The following RAPGEF4 variants were observed in gnomAD, a reference collection of about 807,000 sequenced individuals.
RAPGEF4 encodes the protein Rap guanine nucleotide exchange factor 4, also known as RAP guanine-nucleotide-exchange factor (GEF) 4.
Under a neutral mutation model 147.9 loss-of-function variants are expected in RAPGEF4, and 66 were observed. That is an observed-to-expected ratio of 0.45 (90% confidence interval 0.37 to 0.55). The LOEUF (loss-of-function observed/expected upper bound fraction) is 0.55. Ranked by LOEUF, RAPGEF4 falls within the 20% of genes least tolerant of loss-of-function variation. The probability of loss-of-function intolerance (pLI) is 0.00; values close to 1 mark genes in which losing one functional copy is unlikely to be tolerated. For synonymous variants in RAPGEF4, 419 were observed against 442.7 expected (o/e 0.95, Z 0.67); for missense variants, 1,071 against 1,257.3 (o/e 0.85, Z 2.24).
chr2:173,005,775 C>G (rs563400097), intron 17 of RAPGEF4, among the ~76,000 whole-genome samples: 1 of 152,154 alleles, frequency 6.6e-6, no homozygotes, highest in South Asian at 2.1e-4. Flanking sequence ...CCTGCCTTGG[C>G]CTCCCAAAGT....
At chr2:172,991,007 C>A in intron 15 of RAPGEF4, 82 bp downstream of exon 15, 1 of 1,082,958 alleles carries the variant, frequency 9.2e-7, no homozygotes, top group Non-Finnish European at 1.4e-6. Context: ...ATAGCATGTT[C>A]TCCTTTTTTG....
At chr2:172,960,930 G>A (rs766916500) in intron 7 of RAPGEF4, 117 bp downstream of exon 7, 17 of 950,490 alleles carry the variant, frequency 1.8e-5, no homozygotes, top group Non-Finnish European at 2.7e-5. Flanking sequence ...TCTAGAGACA[G>A]GAAATATTCA....
intron 15 of RAPGEF4, among the ~76,000 whole-genome samples, chr2:172,991,156 C>T (rs1692794684): frequency 6.6e-6 from 1 of 152,120 alleles, no homozygotes; most frequent in Non-Finnish European, 1.5e-5. Flanking sequence ...TTCCTTTACT[C>T]TAAAAACCAC....
chr2:172,752,656 G>A (rs1310600856), intron 1 of RAPGEF4, among the ~76,000 whole-genome samples: 6 of 152,112 alleles, frequency 3.9e-5, no homozygotes, highest in Admixed American at 6.5e-5. Context: ...GTTTAATTAC[G>A]TAAATCATCA....
chr2:172,741,632 T>C (rs1694305499), intron 1 of RAPGEF4, among the ~76,000 whole-genome samples: 1 of 152,224 alleles, frequency 6.6e-6, no homozygotes, highest in African/African-American at 2.4e-5. Flanking sequence ...AAAATCAAAA[T>C]ATACAAAAAG....
intron 4 of RAPGEF4, among the ~76,000 whole-genome samples, chr2:172,890,249 G>A (rs1697749372): frequency 6.6e-6 from 1 of 152,230 alleles, no homozygotes; most frequent in African/African-American, 2.4e-5. Flanking sequence ...TGACTGATAA[G>A]AGCCGGGGCT....
intron 4 of RAPGEF4, among the ~76,000 whole-genome samples, chr2:172,863,314 A>G (rs1282847047): frequency 6.6e-6 from 1 of 152,218 alleles, no homozygotes; most frequent in Non-Finnish European, 1.5e-5. Context: ...GGAAAAATCA[A>G]TGATAAACCA....
chr2:172,738,105 A>T (rs902181009), intron 1 of RAPGEF4, among the ~76,000 whole-genome samples: 3 of 151,620 alleles, frequency 2.0e-5, no homozygotes, highest in Admixed American at 2.0e-4. Flanking sequence ...TTATTTATTT[A>T]TTTTTTTTAG....
At chr2:172,858,802 T>G (rs1693716775) in intron 4 of RAPGEF4, among the ~76,000 whole-genome samples, 1 of 152,222 alleles carries the variant, frequency 6.6e-6, no homozygotes, top group Non-Finnish European at 1.5e-5. Flanking sequence ...ATACCCTGAA[T>G]AGTCTCTAAT....
At chr2:172,997,512 T>C (rs1371119310) in intron 16 of RAPGEF4, among the ~76,000 whole-genome samples, 1 of 152,216 alleles carries the variant, frequency 6.6e-6, no homozygotes, top group Non-Finnish European at 1.5e-5. Context: ...GTCAGTCTTG[T>C]TACCTAAGAC....
chr2:173,025,395 A>G (rs1696560679), intron 23 of RAPGEF4, among the ~76,000 whole-genome samples: 2 of 152,254 alleles, frequency 1.3e-5, no homozygotes, highest in Non-Finnish European at 2.9e-5. Context: ...GACTTCTGAC[A>G]TGGATAGTAT....
chr2:172,794,888 G>C, intron 1 of RAPGEF4, 137 bp from the exon 2 acceptor site: 2 of 873,602 alleles, frequency 2.3e-6, no homozygotes, highest in Admixed American at 4.7e-5. Flanking sequence ...CTATAAGGGG[G>C]TGGATAAATA....
At chr2:172,965,791 T>G (rs1038757375) in intron 9 of RAPGEF4, 108 bp downstream of exon 9, 23 of 1,399,436 alleles carry the variant, frequency 1.6e-5, no homozygotes, top group Non-Finnish European at 2.2e-5. Context: ...TACGATCCCT[T>G]TAGGGACCTG....
intron 4 of RAPGEF4, among the ~76,000 whole-genome samples, chr2:172,853,935 T>C (rs1693135994): frequency 6.6e-6 from 1 of 152,048 alleles, no homozygotes; most frequent in Non-Finnish European, 1.5e-5. Flanking sequence ...TTAGACTTAT[T>C]TATAGCACAC....
chr2:172,750,067 C>A (rs1695130111), intron 1 of RAPGEF4, among the ~76,000 whole-genome samples: 1 of 152,130 alleles, frequency 6.6e-6, no homozygotes, highest in Non-Finnish European at 1.5e-5. Context: ...AGCCATTCAA[C>A]AAGTCACTAG....
At chr2:172,983,838 T>A (rs1301534469) in intron 11 of RAPGEF4, among the ~76,000 whole-genome samples, 1 of 152,194 alleles carries the variant, frequency 6.6e-6, no homozygotes, top group Non-Finnish European at 1.5e-5. Flanking sequence ...GGTTGGAACA[T>A]GGGCTTCATC....
At chr2:172,793,864 G>T (rs1401665367) in intron 1 of RAPGEF4, among the ~76,000 whole-genome samples, 1 of 152,154 alleles carries the variant, frequency 6.6e-6, no homozygotes, top group East Asian at 1.9e-4. Context: ...GACTGGGCAT[G>T]GTGGCTCATG....
chr2:172,740,595 A>G (rs1694215742), intron 1 of RAPGEF4, among the ~76,000 whole-genome samples: 1 of 152,210 alleles, frequency 6.6e-6, no homozygotes, highest in Admixed American at 6.5e-5. Context: ...ACACATGGTG[A>G]GAGAAGATAA....
intron 27 of RAPGEF4, among the ~76,000 whole-genome samples, chr2:173,035,394 C>T (rs536382452): frequency 6.6e-6 from 1 of 151,718 alleles, no homozygotes; most frequent in East Asian, 1.9e-4. Flanking sequence ...ACCTGTAGTC[C>T]CAGCTACTCG....
Sources: gnomAD v4.1 joint callset for allele counts (sites outside exome capture counted in the v4.1 genomes callset) on GRCh38, gnomAD v4.1.1 for gene constraint, MANE v1.5 for transcripts, NCBI Gene and HGNC (gene_info 2026-07-23, HGNC 2026-07-21) for gene names.